The following TKTL1 variants were observed in gnomAD, a reference collection of about 807,000 sequenced individuals.
The protein encoded by TKTL1 is transketolase-like protein 1.
In TKTL1, 1 loss-of-function variant was observed where a neutral mutation model predicts 39.3. That is an observed-to-expected ratio of 0.03 (90% confidence interval 0.01 to 0.12). TKTL1 has a LOEUF of 0.12. Among genes scored for constraint, TKTL1 ranks in the 10% least tolerant of loss-of-function variants. TKTL1 has a pLI of 1.00. For synonymous variants in TKTL1, 262 were observed against 193.8 expected (o/e 1.35, Z -2.92); for missense variants, 575 against 509.6 (o/e 1.13, Z -1.24).
At chrX:154,306,966 A>G (rs1481855067) in intron 2 of TKTL1, among the ~76,000 whole-genome samples, 1 of 111,107 alleles carries the variant, frequency 9.0e-6, no homozygotes, top group Non-Finnish European at 1.9e-5. Flanking sequence ...AAAAATAGAT[A>G]TATAAACGCA....
intron 1 of TKTL1, among the ~76,000 whole-genome samples, chrX:154,301,176 C>G (rs1172597400): frequency 1.8e-5 from 2 of 111,107 alleles, no homozygotes; most frequent in Non-Finnish European, 3.8e-5. Context: ...GATTTCTAAC[C>G]TCATCCCATT....
chrX:154,314,725 T>C (rs1305336942), intron 6 of TKTL1, among the ~76,000 whole-genome samples: 1 of 110,896 alleles, frequency 9.0e-6, no homozygotes, highest in Non-Finnish European at 1.9e-5. Context: ...GGGTTTCACC[T>C]TGTTAGCCAG....
At chrX:154,297,498 C>A (rs368495373) in intron 1 of TKTL1, among the ~76,000 whole-genome samples, 13 of 111,141 alleles carry the variant, frequency 1.2e-4, no homozygotes, top group Admixed American at 1.9e-4. Context: ...CCTCGTGATC[C>A]GCCCGCCTCG....
intron 2 of TKTL1, among the ~76,000 whole-genome samples, chrX:154,306,377 G>T (rs2067315093): frequency 1.8e-5 from 2 of 111,721 alleles, no homozygotes; most frequent in South Asian, 7.5e-4. Context: ...AGTGGGAAGT[G>T]AAGACAAAAA....
rs1346036626 is a variant in TKTL1 at position 154,315,249 on chromosome X, G to C, written c.941G>C (p.Gly314Ala). ...YANNRVVVLD[G>A]DTRYSTFSEI... ...AACAACAGAGTCGTTGTGCTGGATG[G>C]TGACACCAGGTACTCTACTTTCTCT... Residue 314 changes from glycine to alanine, a missense_variant, in exon 7 of 13, where the codon GGT becomes GCT. Coordinates refer to ENST00000369915, the MANE Select transcript of TKTL1 (RefSeq NM_012253.4). The C allele has an allele frequency of 4.1e-6, 5 of 1,210,946 alleles. No homozygotes were observed. In the African/African-American group the frequency reaches 6.9e-5, roughly 17 times the overall value.
At chrX:154,310,333 C>T (rs1380235646) in intron 3 of TKTL1, among the ~76,000 whole-genome samples, 1 of 111,141 alleles carries the variant, frequency 9.0e-6, no homozygotes, top group Non-Finnish European at 1.9e-5. Context: ...TGGCGTGGGC[C>T]TGTAGGCAGG....
chrX:154,305,207 G>A lies in TKTL1; in HGVS notation c.135-97G>A. 4 of 1,180,346 alleles carry A rather than the reference G, an allele frequency of 3.4e-6. No individual in the cohort carries two copies. The South Asian group carries it at 7.5e-5, about 22-fold the overall frequency. ...CTTGGTTGGATTCTTCCCGGGCTGG[G>A]AGAAATGACCGCTTCTATGAGGAGA... On this transcript the variant is annotated intron_variant, in intron 1 of 12. Transcript: ENST00000369915.
chrX:154,321,539 AAG>A (rs1408214131), intron 8 of TKTL1, among the ~76,000 whole-genome samples: 14 of 106,664 alleles, frequency 1.3e-4, no homozygotes, highest in Non-Finnish European at 2.5e-4. Context: ...AGAGTGAAGA[AAG>A]AGGTGAGTGT....
rs368045626 is a variant in TKTL1 at position 154,329,704 on chromosome X, T to C, written c.*16T>C. 253 of 1,202,860 alleles carry C rather than the reference T, an allele frequency of 2.1e-4. No individual in the cohort carries two copies. Among genetic ancestry groups the C allele is most frequent in the Non-Finnish European group, 2.5e-4 (223 of 889,112 alleles). Reference sequence around the variant, plus strand: ...GCTGAACTAAAATAGCTGTTAGCTTTGGTCTTTTGGCCTCTTTACCCTGTG... The same window carrying C: ...GCTGAACTAAAATAGCTGTTAGCTTCGGTCTTTTGGCCTCTTTACCCTGTG... On this transcript the variant is annotated 3_prime_UTR_variant, in exon 13 of 13. Transcript: ENST00000369915.
At chrX:154,306,798 G>C (rs1470262060) in intron 2 of TKTL1, among the ~76,000 whole-genome samples, 1 of 109,294 alleles carries the variant, frequency 9.1e-6, no homozygotes, top group Non-Finnish European at 1.9e-5. Flanking sequence ...CACTACGACC[G>C]GCTAATTTTT....
At chrX:154,304,770 C>T (rs940563480) in intron 1 of TKTL1, among the ~76,000 whole-genome samples, 1 of 109,711 alleles carries the variant, frequency 9.1e-6, no homozygotes, top group African/African-American at 3.3e-5. Flanking sequence ...GCTGTCTTGT[C>T]CCCTCCCCCT....
chrX:154,301,374 G>A (rs1266478604), intron 1 of TKTL1, among the ~76,000 whole-genome samples: 1 of 110,062 alleles, frequency 9.1e-6, no homozygotes, highest in African/African-American at 3.3e-5. Flanking sequence ...AAAATTAGCC[G>A]GGCGTGGTGG....
intron 1 of TKTL1, among the ~76,000 whole-genome samples, chrX:154,300,403 G>A (rs1047981722): frequency 3.6e-5 from 4 of 112,485 alleles, no homozygotes; most frequent in Non-Finnish European, 3.8e-5. Flanking sequence ...TCCTATCCAT[G>A]AGCATGAGAT....
At chrX:154,304,691 T>C (rs1374352064) in intron 1 of TKTL1, among the ~76,000 whole-genome samples, 1 of 109,215 alleles carries the variant, frequency 9.2e-6, no homozygotes, top group Non-Finnish European at 1.9e-5. Flanking sequence ...ATTATTAATA[T>C]GAGCTGGGCC....
At chrX:154,307,345 T>G (rs927801221) in intron 2 of TKTL1, among the ~76,000 whole-genome samples, 18 of 112,186 alleles carry the variant, frequency 1.6e-4, no homozygotes, top group African/African-American at 5.2e-4. Context: ...ATTTGTGTGT[T>G]CATCAGATTT....
rs782620901 is a variant in TKTL1, at chrX:154,302,240, T to TA, written c.135-3063dup. Among the ~76,000 whole-genome samples the TA allele has an allele frequency of 3.6e-5, 4 of 111,461 alleles. No homozygotes were observed. In the East Asian group the frequency reaches 1.1e-3, roughly 31 times the overall value. ...AAAGCAAAAAGCAAGAAGAGAACTT[T>TA]ACATTTTGTCCAATAGTCCTAAGAA... is the stretch of plus-strand genomic sequence containing the variant. On this transcript the variant is annotated intron_variant, in intron 1 of 12. Coordinates refer to ENST00000369915, the MANE Select transcript of TKTL1 (RefSeq NM_012253.4).
chrX:154,300,469 T>C (rs188774943), intron 1 of TKTL1, among the ~76,000 whole-genome samples: 2 of 112,457 alleles, frequency 1.8e-5, no homozygotes, highest in Admixed American at 1.9e-4. Flanking sequence ...GTTTTTCTTG[T>C]AGCTGTCTTT....
intron 3 of TKTL1, 120 bp from the exon 4 acceptor site, chrX:154,310,716 G>A: frequency 1.7e-6 from 1 of 593,176 alleles, no homozygotes; most frequent in South Asian, 3.0e-5. Context: ...GGAGATTGTG[G>A]GAAGCGAATG....
intron 3 of TKTL1, among the ~76,000 whole-genome samples, chrX:154,310,558 G>A (rs187621420): frequency 7.1e-5 from 8 of 112,716 alleles, no homozygotes; most frequent in Admixed American, 1.9e-4. Context: ...GGCCCTGTTT[G>A]CTTATTGATA....
Sources: allele counts gnomAD v4.1 joint callset (sites outside exome capture counted in the v4.1 genomes callset), GRCh38; gene constraint gnomAD v4.1.1; transcripts MANE v1.5; gene names NCBI Gene and HGNC (gene_info 2026-07-23, HGNC 2026-07-21).